The following MYCBP2 variants were observed in gnomAD, a reference collection of about 807,000 sequenced individuals.
MYCBP2 encodes the protein E3 ubiquitin-protein ligase MYCBP2.
A neutral mutation model predicts 525.3 loss-of-function variants in MYCBP2; 120 were observed. That is an observed-to-expected ratio of 0.23 (90% CI 0.20 to 0.27). MYCBP2 has a LOEUF of 0.27. Ranked by LOEUF, MYCBP2 falls within the 10% of genes least tolerant of loss-of-function variation. The pLI is 1.00. For missense variants in MYCBP2, 4,149 were observed against 5,657.1 expected (o/e 0.73, Z 8.55); for synonymous variants, 1,894 against 1,955.8 (o/e 0.97, Z 0.83).
intron 68 of MYCBP2, among the ~76,000 whole-genome samples, chr13:77,072,767 G>C (rs2041603367): frequency 6.6e-6 from 1 of 152,082 alleles, no homozygotes; most frequent in Non-Finnish European, 1.5e-5. Flanking sequence ...CAGAAACTTA[G>C]ATGAAATGGA....
chr13:77,240,419 C>G (rs907955546), intron 17 of MYCBP2, among the ~76,000 whole-genome samples: 1 of 152,072 alleles, frequency 6.6e-6, no homozygotes, highest in African/African-American at 2.4e-5. Flanking sequence ...ACCAGCCTGG[C>G]CAACATGGTG....
Position 77,044,971 on chromosome 13 carries a change from T to C in MYCBP2, c.*407A>G, listed in dbSNP as rs2035282284. The C allele has an allele frequency of 7.5e-6, 3 of 400,608 alleles. No homozygotes were observed. 24.8% of individuals were successfully genotyped at this position (400,608 alleles called of 1,614,324 possible). A position where few individuals can be genotyped will look rare whatever the true frequency, so the allele number is the denominator to read the frequency against. On this transcript the variant is annotated 3_prime_UTR_variant, in exon 83 of 83. Transcript: ENST00000544440. The stretch of plus-strand genomic sequence containing the variant: ...TTCCTCTTTTTATCCCCACCCGTGA[T>C]GCAATTGTACAGGATTACAAAAAGG...
At chr13:77,322,573 T>A (rs1284839581) in intron 1 of MYCBP2, among the ~76,000 whole-genome samples, 4 of 152,368 alleles carry the variant, frequency 2.6e-5, no homozygotes, top group African/African-American at 9.6e-5. Context: ...GTGATTTTAA[T>A]AATAACAACA....
At chr13:77,056,102 GTGT>G (rs1566301673) in intron 79 of MYCBP2, among the ~76,000 whole-genome samples, 1,219 of 50,976 alleles carry the variant, frequency 0.024, 18 homozygotes, top group African/African-American at 0.059. Flanking sequence ...TGTGTTTGGT[GTGT>G]GTGTGTGTGT....
At chr13:77,217,264 C>T (rs536430516) in intron 21 of MYCBP2, among the ~76,000 whole-genome samples, 9 of 152,258 alleles carry the variant, frequency 5.9e-5, no homozygotes, top group African/African-American at 2.2e-4. Flanking sequence ...AGCACAGTCT[C>T]GCAAAGATTT....
At position 77,217,967 on chromosome 13, in the gene MYCBP2, A is replaced by C. The variant is rs1338105376; in HGVS notation, c.2940-10T>G. 5.5e-6 allele frequency: 8 copies of C among 1,453,816 alleles called. No homozygotes were observed. In the East Asian group the frequency reaches 1.2e-4, roughly 22 times the overall value. 90.1% of individuals were successfully genotyped at this position (1,453,816 alleles called of 1,614,324 possible). On this transcript the variant is annotated splice_polypyrimidine_tract_variant and intron_variant, in intron 20 of 82. Coordinates refer to ENST00000544440, the MANE Select transcript of MYCBP2 (RefSeq NM_015057.5). ...AAGAGTGGGACATCCCCTAGGTTAA[A>C]AAAAAAAAAAGTAAGTCAATTTCTT...
At chr13:77,193,909 A>T (rs2061518772) in intron 27 of MYCBP2, among the ~76,000 whole-genome samples, 1 of 152,128 alleles carries the variant, frequency 6.6e-6, no homozygotes, top group Non-Finnish European at 1.5e-5. Flanking sequence ...ATATATGCAT[A>T]TTTCCATTTT....
At chr13:77,107,052 T>C (rs1323968478) in intron 55 of MYCBP2, among the ~76,000 whole-genome samples, 5 of 152,138 alleles carry the variant, frequency 3.3e-5, no homozygotes, top group African/African-American at 1.2e-4. Context: ...TAAGAAAATC[T>C]AATTCTATAG....
intron 13 of MYCBP2, among the ~76,000 whole-genome samples, chr13:77,259,481 G>A (rs1018285209): frequency 6.6e-6 from 1 of 152,120 alleles, no homozygotes; most frequent in African/African-American, 2.4e-5. Context: ...CTACCCAGTG[G>A]ATGTTAGCAA....
At chr13:77,090,471 T>C (rs1326581022) in intron 59 of MYCBP2, 7 of 364,000 alleles carry the variant, frequency 1.9e-5, no homozygotes, top group Admixed American at 4.6e-5. Flanking sequence ...TTAAAACTTA[T>C]GGTTTTCTTA....
In MYCBP2 at chr13:77,262,139, G is replaced by A. The variant is rs532725922; in HGVS notation, c.1571-10C>T. 2.9e-5 allele frequency: 46 copies of A among 1,600,440 alleles called. No individual in the cohort carries two copies. The highest frequency in any genetic ancestry group is 2.3e-4 in the African/African-American group (17 of 74,702). Reference sequence around the variant, plus strand: ...TCATCAAATCCTGTACCTGAAATACGAGACTAATAAATACTATTGCATTTC... The same window carrying A: ...TCATCAAATCCTGTACCTGAAATACAAGACTAATAAATACTATTGCATTTC... On this transcript the variant is annotated splice_polypyrimidine_tract_variant and intron_variant, in intron 10 of 82. Coordinates refer to ENST00000544440, the MANE Select transcript of MYCBP2 (RefSeq NM_015057.5).
intron 1 of MYCBP2, among the ~76,000 whole-genome samples, chr13:77,301,955 G>T (rs2078856876): frequency 6.6e-6 from 1 of 151,988 alleles, no homozygotes; most frequent in South Asian, 2.1e-4. Context: ...AGAAAAACAG[G>T]TTTCACAGAC....
At chr13:77,147,152 A>G (rs2055723895) in intron 47 of MYCBP2, among the ~76,000 whole-genome samples, 1 of 152,136 alleles carries the variant, frequency 6.6e-6, no homozygotes, top group Non-Finnish European at 1.5e-5. Flanking sequence ...TGGAAAACGT[A>G]TTGAACAACC....
In MYCBP2 at chr13:77,098,385, C is replaced by T; in HGVS notation, c.8769G>A (p.Val2923=). ...CCTCACTGTGGAGGTTTTCCTGTAC[C>T]ACATGGGGAGAGGGAGCTCTATTTT... The part of the protein sequence containing the change: ...GSENRAPSPH[V]VQENLHSEVV... The change falls in exon 56 of 83, where the codon GTG becomes GTA. Residue 2923 remains valine, a synonymous_variant. Coordinates refer to ENST00000544440, the MANE Select transcript of MYCBP2 (RefSeq NM_015057.5). 1.9e-6 allele frequency: 3 copies of T among 1,613,382 alleles called. No homozygotes were observed. The highest frequency in any genetic ancestry group is 1.7e-4 in the Middle Eastern group (1 of 6,058).
At chr13:77,069,485 A>G (rs1300568137) in intron 69 of MYCBP2, among the ~76,000 whole-genome samples, 1 of 151,742 alleles carries the variant, frequency 6.6e-6, no homozygotes, top group East Asian at 1.9e-4. Flanking sequence ...TACACCTGTA[A>G]TCCCAGCAGT....
At chr13:77,238,830 G>A (rs140227340) in intron 17 of MYCBP2, among the ~76,000 whole-genome samples, 21 of 152,282 alleles carry the variant, frequency 1.4e-4, no homozygotes, top group African/African-American at 5.1e-4. Context: ...CAAGGCTTTA[G>A]TACAAGAACT....
intron 26 of MYCBP2, among the ~76,000 whole-genome samples, chr13:77,202,638 A>G (rs970777389): frequency 3.6e-4 from 54 of 151,934 alleles, no homozygotes; most frequent in Non-Finnish European, 7.1e-4. Context: ...TGATGCAAAA[A>G]TCCTCAATAA....
Position 77,239,804 on chromosome 13 carries a change from G to A in MYCBP2, c.2629+3255C>T, listed in dbSNP as rs528941288. Among the ~76,000 whole-genome samples, 7 of 152,268 alleles carry A rather than the reference G, an allele frequency of 4.6e-5. No homozygotes were observed. In the South Asian group the frequency reaches 1.5e-3, roughly 32 times the overall value. ...TGAAAAGCACAGCACCTGAAAGAGA[G>A]TCCTCCATCCAATTAAAATAAAAAT... is the stretch of plus-strand genomic sequence containing the variant. On this transcript the variant is annotated intron_variant, in intron 17 of 82. Transcript: ENST00000544440.
chr13:77,061,542 C>T, intron 75 of MYCBP2, 120 bp downstream of exon 75: 6 of 1,211,696 alleles, frequency 5.0e-6, no homozygotes, highest in African/African-American at 1.6e-5. Context: ...CAGCTGTGAA[C>T]TCAACCAAGG....
Sources: allele counts gnomAD v4.1 joint callset (sites outside exome capture counted in the v4.1 genomes callset), GRCh38; gene constraint gnomAD v4.1.1; transcripts MANE v1.5; gene names NCBI Gene and HGNC (gene_info 2026-07-23, HGNC 2026-07-21).